Variants in FGF13 observed in about 807,000 individuals in gnomAD.
FGF13 encodes the protein fibroblast growth factor 13, also known as fibroblast growth factor homologous factor 2.
In FGF13, 2 loss-of-function variants were observed where a neutral mutation model predicts 19.5. The observed-to-expected ratio is 0.10, with a 90% CI of 0.04 to 0.32. The LOEUF (loss-of-function observed/expected upper bound fraction) is 0.32. Ranked by LOEUF, FGF13 falls within the 10% of genes least tolerant of loss-of-function variation. The pLI is 1.00. For missense variants in FGF13, 113 were observed against 192.7 expected, an observed-to-expected ratio of 0.59 and a Z score of 2.45; for synonymous variants, 72 against 76.9, an observed-to-expected ratio of 0.94 and a Z score of 0.33.
chrX:138,923,353 A>C (rs2091656247), intron 1 of FGF13, among the ~76,000 whole-genome samples: 1 of 112,073 alleles, frequency 8.9e-6, no homozygotes, highest in Non-Finnish European at 1.9e-5. Flanking sequence ...TCTCCAACCT[A>C]ATCCATTTAT....
intron 1 of FGF13, among the ~76,000 whole-genome samples, chrX:139,044,665 G>A (rs182352943): frequency 9.0e-6 from 1 of 111,075 alleles, no homozygotes; most frequent in Non-Finnish European, 1.9e-5. Flanking sequence ...TTAAAAAAAA[G>A]GGGGCTATGT....
intron 1 of FGF13, among the ~76,000 whole-genome samples, chrX:138,980,368 T>C (rs749164579): frequency 5.4e-4 from 61 of 112,033 alleles, no homozygotes; most frequent in African/African-American, 1.8e-3. Flanking sequence ...TGTAGCATCC[T>C]ACCTTTCAAA....
At chrX:139,125,907 T>C (rs1409604013) in intron 1 of FGF13, among the ~76,000 whole-genome samples, 2 of 111,841 alleles carry the variant, frequency 1.8e-5, no homozygotes, top group African/African-American at 6.5e-5. Flanking sequence ...CCATATCCCA[T>C]GTACACCCTC....
At chrX:138,657,651 A>G (rs996559449) in intron 3 of FGF13, among the ~76,000 whole-genome samples, 4 of 112,215 alleles carry the variant, frequency 3.6e-5, no homozygotes, top group Admixed American at 1.9e-4. Context: ...ATACTTAAGG[A>G]AACCAAATCT....
chrX:138,874,129 C>T (rs1158307658), intron 1 of FGF13, among the ~76,000 whole-genome samples: 1 of 103,689 alleles, frequency 9.6e-6, no homozygotes, highest in Non-Finnish European at 2.0e-5. Flanking sequence ...GTCGTGCACA[C>T]ATACCCTAGA....
chrX:138,773,251 T>G (rs772273349), intron 3 of FGF13, among the ~76,000 whole-genome samples: 1 of 111,275 alleles, frequency 9.0e-6, no homozygotes, highest in African/African-American at 3.3e-5. Flanking sequence ...ATGTATAGTG[T>G]GCCTGGGAAT....
chrX:138,886,607 A>T (rs2091452884), intron 1 of FGF13, among the ~76,000 whole-genome samples: 1 of 111,826 alleles, frequency 8.9e-6, no homozygotes, highest in South Asian at 3.7e-4. Context: ...TTGTTTTCTC[A>T]GCTATAAAAT....
At chrX:139,012,194 A>G (rs1220799924) in intron 1 of FGF13, among the ~76,000 whole-genome samples, 5 of 112,103 alleles carry the variant, frequency 4.5e-5, no homozygotes, top group East Asian at 2.8e-4. Flanking sequence ...TAAATTATAG[A>G]TGACACAAAC....
intron 1 of FGF13, among the ~76,000 whole-genome samples, chrX:138,939,453 C>A (rs2091747844): frequency 8.9e-6 from 1 of 111,824 alleles, no homozygotes; most frequent in African/African-American, 3.3e-5. Flanking sequence ...GAGTGTACAT[C>A]TGCAGGATCA....
At chrX:139,165,075 C>T (rs1275005867) in intron 1 of FGF13, among the ~76,000 whole-genome samples, 5 of 111,515 alleles carry the variant, frequency 4.5e-5, no homozygotes, top group South Asian at 3.7e-4. Context: ...GAAATATGGA[C>T]GTTAAAGTCC....
At position 138,623,158 on chromosome X, in the gene FGF13, T is replaced by C. The variant is rs2089028406; in HGVS notation, c.*9692A>G. The C allele has an allele frequency of 9.0e-6, 1 of 111,396 alleles. No homozygotes were observed. Among genetic ancestry groups the C allele is most frequent in the African/African-American group, 3.3e-5 (1 of 30,591 alleles). The allele number at this position is 111,396 out of a possible 1,213,427, so 9.2% of individuals were successfully genotyped here. A position where few individuals can be genotyped will look rare whatever the true frequency, so the allele number is the denominator to read the frequency against. The stretch of plus-strand genomic sequence containing the variant: ...CCAAGTGAAATTGGTGAAATCCCAC[T>C]TGATTATGGTGAATGATCCTTTAAA... On this transcript the variant is annotated 3_prime_UTR_variant, in exon 5 of 5. Transcript: ENST00000315930.
At chrX:139,175,941 T>G (rs2084178743) in intron 1 of FGF13, among the ~76,000 whole-genome samples, 1 of 111,970 alleles carries the variant, frequency 8.9e-6, no homozygotes, top group South Asian at 3.7e-4. Context: ...GGAGTCCCTC[T>G]TTTTCTATTG....
intron 1 of FGF13, among the ~76,000 whole-genome samples, chrX:138,994,826 T>C (rs1189950232): frequency 9.0e-6 from 1 of 111,011 alleles, no homozygotes; most frequent in Non-Finnish European, 1.9e-5. Flanking sequence ...AACAAGCATC[T>C]ACACTTTTGA....
intron 1 of FGF13, among the ~76,000 whole-genome samples, chrX:139,090,886 G>A (rs767412571): frequency 4.0e-5 from 4 of 98,962 alleles, no homozygotes; most frequent in South Asian, 5.3e-4. Flanking sequence ...AGGCTTCAGT[G>A]AGCCATGTTC....
At chrX:138,796,564 TG>T (rs770331905) in intron 3 of FGF13, among the ~76,000 whole-genome samples, 4 of 112,122 alleles carry the variant, frequency 3.6e-5, no homozygotes, top group Admixed American at 2.8e-4. Context: ...TAGAATGATT[TG>T]TAATCCTTTG....
upstream of FGF13, chrX:139,204,014 G>A (rs775296185): frequency 3.4e-6 from 4 of 1,184,435 alleles, no homozygotes; most frequent in Non-Finnish European, 4.6e-6. Context: ...GGGGGCGAGG[G>A]AAACGAAGGA....
chrX:138,666,453 A>C lies in FGF13; in HGVS notation c.403-30798T>G, dbSNP rs2089546314. Reference sequence around the variant, plus strand: ...TAAGAGGTGCTAGAAAGAAGCACTTAAAGAAAGTGAAGTTGGGACATGGCA... The same window carrying C: ...TAAGAGGTGCTAGAAAGAAGCACTTCAAGAAAGTGAAGTTGGGACATGGCA... On this transcript the variant is annotated intron_variant, in intron 3 of 4. Coordinates refer to ENST00000315930, the MANE Select transcript of FGF13 (RefSeq NM_004114.5). Among the ~76,000 whole-genome samples the C allele has an allele frequency of 2.7e-5, 3 of 111,941 alleles. No homozygotes were observed. In the South Asian group the frequency reaches 1.1e-3, roughly 41 times the overall value.
At chrX:138,972,056 T>TTGTGTGTGTG (rs370317832) in intron 1 of FGF13, among the ~76,000 whole-genome samples, 12,473 of 94,747 alleles carry the variant, frequency 0.13, 1,100 homozygotes, top group African/African-American at 0.29. Context: ...TAGTATTCTA[T>TTGTGTGTGTG]TGTGTGTGTG....
At chrX:139,028,043 G>A (rs974792886) in intron 1 of FGF13, among the ~76,000 whole-genome samples, 10 of 111,218 alleles carry the variant, frequency 9.0e-5, no homozygotes, top group African/African-American at 2.9e-4. Flanking sequence ...GATCACTAAC[G>A]GTATTTAAGC....
Sources: allele counts gnomAD v4.1 joint callset (sites outside exome capture counted in the v4.1 genomes callset), GRCh38; gene constraint gnomAD v4.1.1; transcripts MANE v1.5; gene names NCBI Gene and HGNC (gene_info 2026-07-23, HGNC 2026-07-21).